The following ARL10 variants were observed in gnomAD, a reference collection of about 807,000 sequenced individuals.
The protein encoded by ARL10 is ARF like GTPase 10.
A neutral mutation model predicts 26.1 loss-of-function variants in ARL10; 23 were observed. The ratio of observed to expected loss-of-function variants is 0.88; its 90% CI spans 0.63 to 1.25. ARL10 has a LOEUF of 1.25. ARL10 is among the 50% of genes most tolerant of loss of function. The probability of loss-of-function intolerance (pLI) is 0.00; values close to 1 mark genes in which losing one functional copy is unlikely to be tolerated. For missense variants in ARL10, 300 were observed against 323.6 expected (o/e 0.93, Z 0.56); for synonymous variants, 138 against 149.1 (o/e 0.93, Z 0.54).
chr5:176,393,078 G>A, downstream of ARL10: 1 of 997,222 alleles, frequency 1.0e-6, no homozygotes, highest in Non-Finnish European at 1.5e-6. This position sits in a 1 kb window ranked among gnomAD's most constrained non-coding sequence, Gnocchi z 4.4. Context: ...TGACTTCAGA[G>A]GAGGGCAGCC....
chr5:176,399,845 T>C (rs1430284389), intron 1 of ARL10, among the ~76,000 whole-genome samples: 1 of 147,176 alleles, frequency 6.8e-6, no homozygotes, highest in Admixed American at 7.0e-5. Flanking sequence ...GCCACTGCAC[T>C]CCAGCCTGGG....
At chr5:176,390,515 C>T (rs1046436479), downstream of ARL10, among the ~76,000 whole-genome samples, 4 of 152,218 alleles carry the variant, frequency 2.6e-5, no homozygotes, top group East Asian at 1.9e-4. Context: ...CTGCAACCTC[C>T]GCCTCCCGGG....
chr5:176,366,927 C>G (rs1768330132), intron 2 of ARL10, among the ~76,000 whole-genome samples: 1 of 151,894 alleles, frequency 6.6e-6, no homozygotes, highest in Admixed American at 6.6e-5. Context: ...GAATCGGTCA[C>G]TACCCTCGTT....
At chr5:176,407,148 G>A in the ARL10 span, among the ~76,000 whole-genome samples, 1 of 152,176 alleles carries the variant, frequency 6.6e-6, no homozygotes, top group South Asian at 2.1e-4. Flanking sequence ...GCTCACCCAC[G>A]GCTGACAGGT....
downstream of ARL10, chr5:176,401,969 A>G (rs2113650122): frequency 6.0e-6 from 2 of 335,986 alleles, no homozygotes; most frequent in South Asian, 4.5e-5. Flanking sequence ...CGAATGACCT[A>G]TTCGGAGTCT....
chr5:176,407,909 A>G, the ARL10 span, among the ~76,000 whole-genome samples: 1 of 152,108 alleles, frequency 6.6e-6, no homozygotes, highest in Non-Finnish European at 1.5e-5. Flanking sequence ...CCTCTTACAT[A>G]AGAAAATAAG....
downstream of ARL10, chr5:176,392,679 T>C: frequency 2.1e-6 from 3 of 1,412,714 alleles, no homozygotes; most frequent in South Asian, 3.7e-5. This position sits in a 1 kb window ranked among gnomAD's most constrained non-coding sequence, Gnocchi z 5.2. Flanking sequence ...AGGCTGTGGG[T>C]AGCAGCTGCT....
chr5:176,400,017 C>T (rs781325798), intron 1 of ARL10, among the ~76,000 whole-genome samples: 24 of 152,020 alleles, frequency 1.6e-4, no homozygotes, highest in Non-Finnish European at 3.1e-4. Flanking sequence ...CATGGTGAAA[C>T]CCCATCTCTA....
chr5:176,402,291 C>T (rs181956809), downstream of ARL10, among the ~76,000 whole-genome samples: 1 of 152,320 alleles, frequency 6.6e-6, no homozygotes, highest in Admixed American at 6.5e-5. Context: ...GAGCGAGACT[C>T]TGTCTCAAAA....
At chr5:176,396,593 G>T in intron 1 of ARL10, 1 of 1,196,874 alleles carries the variant, frequency 8.4e-7, no homozygotes, top group Non-Finnish European at 1.2e-6. Flanking sequence ...AGACAGACAG[G>T]CAGGCAGAAG....
chr5:176,366,015 G>T (rs1050941481), intron 1 of ARL10, among the ~76,000 whole-genome samples: 3 of 152,192 alleles, frequency 2.0e-5, no homozygotes, highest in Non-Finnish European at 2.9e-5. Context: ...AGCGGGGGCC[G>T]GAGTTTGGAG....
At chr5:176,413,461 G>A in the ARL10 span, among the ~76,000 whole-genome samples, 5 of 152,132 alleles carry the variant, frequency 3.3e-5, no homozygotes, top group African/African-American at 1.2e-4. Context: ...GATCACCCAG[G>A]GCCACAGATC....
At chr5:176,397,071 T>G (rs1756558489) in intron 1 of ARL10, among the ~76,000 whole-genome samples, 1 of 152,112 alleles carries the variant, frequency 6.6e-6, no homozygotes, top group South Asian at 2.1e-4. Flanking sequence ...CTACTGTATT[T>G]GAGCTTAGTT....
At chr5:176,400,141 G>A (rs879916209) in intron 1 of ARL10, among the ~76,000 whole-genome samples, 7 of 150,294 alleles carry the variant, frequency 4.7e-5, no homozygotes, top group Non-Finnish European at 7.4e-5. Flanking sequence ...AGGCTGCAGT[G>A]AGCCAAGATC....
At position 176,388,226 on chromosome 5, in the gene ARL10, T is replaced by C; in HGVS notation, c.37-69T>C. The C allele has an allele frequency of 3.1e-6, 5 of 1,595,226 alleles. 1 individual carries two copies. Among genetic ancestry groups the C allele is most frequent in the Middle Eastern group, 3.3e-4 (2 of 6,014 alleles). Reference sequence around the variant, plus strand: ...GAAGACAAGGACCGAGACCCTGCCATGTCAGTACCTTTCTCTTACGGAGGG... The same window carrying C: ...GAAGACAAGGACCGAGACCCTGCCACGTCAGTACCTTTCTCTTACGGAGGG... On this transcript the variant is annotated intron_variant, in intron 1 of 1. Coordinates refer to the ARL10 transcript ENST00000503175.
rs1561792315 is a variant in ARL10, at chr5:176,397,323, T to TCTCATGTCCCCAC, written c.134-4418_134-4417insCTCATGTCCCCAC. Among the ~76,000 whole-genome samples, 52 of 116,418 alleles carry TCTCATGTCCCCAC rather than the reference T, an allele frequency of 4.5e-4. 2 individuals carry two copies. The highest frequency in any genetic ancestry group is 8.0e-4 in the Non-Finnish European group (45 of 56,252). 76.4% of individuals were successfully genotyped at this position (116,418 alleles called of 152,430 possible). A position where few individuals can be genotyped will look rare whatever the true frequency, so the allele number is the denominator to read the frequency against. Reference sequence around the variant, plus strand: ...CCCCACAGCCCCTCTCATGTCCCCATAGCCCCTCTCATGTCCCCACAGCCC... The same window carrying TCTCATGTCCCCAC: ...CCCCACAGCCCCTCTCATGTCCCCATCTCATGTCCCCACAGCCCCTCTCATGTCCCCACAGCCC... On this transcript the variant is annotated intron_variant, in intron 1 of 1. Coordinates refer to the ARL10 transcript ENST00000514533.
At chr5:176,389,466 T>A (rs774556158), downstream of ARL10, 106 of 1,613,946 alleles carry the variant, frequency 6.6e-5, no homozygotes, top group Non-Finnish European at 8.8e-5. Context: ...TTGCTGGGTC[T>A]GGCTGTCACT....
the ARL10 span, among the ~76,000 whole-genome samples, chr5:176,414,456 G>A: frequency 6.1e-4 from 91 of 149,136 alleles, no homozygotes; most frequent in African/African-American, 2.2e-3. Context: ...TTTTGAGACA[G>A]GGTCTCACTC....
downstream of ARL10, among the ~76,000 whole-genome samples, chr5:176,393,231 C>G (rs1038940309): frequency 6.6e-6 from 1 of 152,180 alleles, no homozygotes; most frequent in East Asian, 1.9e-4. This position sits in a 1 kb window ranked among gnomAD's most constrained non-coding sequence, Gnocchi z 4.4. Flanking sequence ...CTCACCTCCT[C>G]AGAAAGTCTT....
Sources: gnomAD v4.1 joint callset for allele counts (sites outside exome capture counted in the v4.1 genomes callset) on GRCh38, gnomAD v4.1.1 for gene constraint, Gnocchi (gnomAD v3.1) non-coding constraint, MANE v1.5 for transcripts, NCBI Gene and HGNC (gene_info 2026-07-23, HGNC 2026-07-21) for gene names.